Variants in PPP3CB observed in about 807,000 individuals in gnomAD.
PPP3CB encodes the protein protein phosphatase 3 catalytic subunit beta, also known as serine/threonine-protein phosphatase 2B catalytic subunit beta isoform.
Under a neutral mutation model 66.4 loss-of-function variants are expected in PPP3CB, and 8 were observed. That is an observed-to-expected ratio of 0.12 (90% CI 0.07 to 0.22). The LOEUF (loss-of-function observed/expected upper bound fraction) is 0.22, where lower values mean the gene tolerates loss of function less well. Ranked by LOEUF, PPP3CB falls within the 10% of genes least tolerant of loss-of-function variation. PPP3CB has a pLI of 1.00. For synonymous variants in PPP3CB, 208 were observed against 221.2 expected (o/e 0.94, Z 0.53); for missense variants, 319 against 642.5 (o/e 0.50, Z 5.44).
chr10:73,472,083 GCTCT>G lies in PPP3CB; in HGVS notation c.524-474_524-471del, dbSNP rs535373436. The stretch of plus-strand genomic sequence containing the variant: ...TCTGTCTTATGAAGACAAAATATTT[GCTCT>G]CTCTAAAATTATTCTCGATGATGTT... On this transcript the variant is annotated intron_variant, in intron 4 of 13. Transcript: ENST00000360663. Among the ~76,000 whole-genome samples the G allele has an allele frequency of 1.2e-3, 185 of 152,232 alleles. 1 individual carries two copies. The highest frequency in any genetic ancestry group is 7.2e-4 in the Non-Finnish European group (49 of 68,018).
At chr10:73,445,449 A>G (rs1352007170) in intron 11 of PPP3CB, among the ~76,000 whole-genome samples, 2 of 151,996 alleles carry the variant, frequency 1.3e-5, no homozygotes, top group African/African-American at 4.8e-5. Flanking sequence ...AAATATATAA[A>G]CTTCTTTTTC....
Position 73,484,093 on chromosome 10 carries a change from A to C in PPP3CB, c.86-4576T>G, listed in dbSNP as rs2056929459. Among the ~76,000 whole-genome samples the C allele has an allele frequency of 1.3e-5, 2 of 152,012 alleles. 1 individual carries two copies. The highest frequency in any genetic ancestry group is 4.2e-4 in the South Asian group (2 of 4,818). On this transcript the variant is annotated intron_variant, in intron 1 of 13. Coordinates refer to ENST00000360663, the MANE Select transcript of PPP3CB (RefSeq NM_021132.4). ...GTGGGGTGGAGGTTGTAGTGAGCTG[A>C]GATCGTGCCACTGAACTCTAGCCTG...
chr10:73,442,713 TG>T lies in PPP3CB; in HGVS notation c.1366+2011del, dbSNP rs1038045796. On this transcript the variant is annotated intron_variant, in intron 12 of 13. Coordinates refer to ENST00000360663, the MANE Select transcript of PPP3CB (RefSeq NM_021132.4). ...GAATGTAAAGCAAATCAAAGCAGGT[TG>T]TTTTTTTTTTTTAAAGAAAATCAAA... Among the ~76,000 whole-genome samples the T allele has an allele frequency of 9.9e-5, 15 of 151,752 alleles. No individual in the cohort carries two copies. In the East Asian group the frequency reaches 1.5e-3, roughly 16 times the overall value.
At chr10:73,495,055 C>T (rs143706299) in intron 1 of PPP3CB, among the ~76,000 whole-genome samples, 38 of 152,256 alleles carry the variant, frequency 2.5e-4, no homozygotes, top group Admixed American at 6.5e-4. Flanking sequence ...TTAACTTTTT[C>T]GTCTAGGATG....
chr10:73,440,658 CAG>C (rs1371416479), intron 12 of PPP3CB, among the ~76,000 whole-genome samples: 2 of 152,164 alleles, frequency 1.3e-5, no homozygotes, highest in Non-Finnish European at 2.9e-5. Context: ...TTTATACTGA[CAG>C]AGTTTATCAT....
intron 3 of PPP3CB, among the ~76,000 whole-genome samples, chr10:73,475,848 A>G (rs968062647): frequency 2.0e-5 from 3 of 152,216 alleles, no homozygotes; most frequent in Admixed American, 2.0e-4. Context: ...ATCATATGCA[A>G]AAAGAAAAAA....
intron 1 of PPP3CB, among the ~76,000 whole-genome samples, chr10:73,484,581 T>C (rs2056941419): frequency 6.6e-6 from 1 of 152,010 alleles, no homozygotes; most frequent in Non-Finnish European, 1.5e-5. Flanking sequence ...CTATTTCTAC[T>C]TTTCCAGAGT....
At chr10:73,491,766 G>A (rs923778680) in intron 1 of PPP3CB, among the ~76,000 whole-genome samples, 4 of 151,944 alleles carry the variant, frequency 2.6e-5, no homozygotes, top group African/African-American at 9.7e-5. Flanking sequence ...TCAGGAGATC[G>A]AGACCAGCCT....
At chr10:73,480,303 C>T (rs1017915940) in intron 1 of PPP3CB, among the ~76,000 whole-genome samples, 4 of 152,156 alleles carry the variant, frequency 2.6e-5, no homozygotes, top group Non-Finnish European at 4.4e-5. Flanking sequence ...CAGTGCATTC[C>T]TTATCATTGA....
intron 13 of PPP3CB, among the ~76,000 whole-genome samples, 193 bp from the exon 14 acceptor site, chr10:73,438,613 A>C (rs142001865): frequency 6.6e-6 from 1 of 152,348 alleles, no homozygotes; most frequent in African/African-American, 2.4e-5. Context: ...AAATATAAAC[A>C]TCATAGCTTT....
chr10:73,477,400 A>G (rs2056808389), intron 3 of PPP3CB, among the ~76,000 whole-genome samples: 1 of 152,196 alleles, frequency 6.6e-6, no homozygotes, highest in Non-Finnish European at 1.5e-5. Flanking sequence ...AACACAAGGA[A>G]TTAATTAATT....
At chr10:73,465,933 A>G (rs2056611370) in intron 9 of PPP3CB, among the ~76,000 whole-genome samples, 1 of 152,248 alleles carries the variant, frequency 6.6e-6, no homozygotes, top group African/African-American at 2.4e-5. Flanking sequence ...GATGTGAATA[A>G]TTTAGAGAAG....
At chr10:73,456,938 G>C (rs563325164) in intron 9 of PPP3CB, among the ~76,000 whole-genome samples, 1 of 152,002 alleles carries the variant, frequency 6.6e-6, no homozygotes, top group Non-Finnish European at 1.5e-5. Context: ...AATCTATAGA[G>C]ACAGAAAGAT....
chr10:73,467,035 A>G (rs2056627796), intron 9 of PPP3CB: 1 of 152,202 alleles, frequency 6.6e-6, no homozygotes, highest in Non-Finnish European at 1.5e-5. Flanking sequence ...TTAGAAAGGC[A>G]TCACTACTAA....
At chr10:73,444,548 T>G (rs1230697136) in intron 12 of PPP3CB, 177 bp downstream of exon 12, 1 of 1,534,576 alleles carries the variant, frequency 6.5e-7, no homozygotes, top group Non-Finnish European at 8.8e-7. Context: ...ATCAGTTTTC[T>G]GCCCTGATCA....
At chr10:73,467,166 G>A (rs2056630105) in intron 9 of PPP3CB, 1 of 152,270 alleles carries the variant, frequency 6.6e-6, no homozygotes, top group African/African-American at 2.4e-5. Context: ...TAAAATGAAG[G>A]CTACTAAATT....
chr10:73,488,287 G>A (rs1178673797), intron 1 of PPP3CB, among the ~76,000 whole-genome samples: 4 of 152,242 alleles, frequency 2.6e-5, no homozygotes, highest in East Asian at 3.9e-4. Flanking sequence ...GCTCACACCT[G>A]TAACTGCAGC....
intron 8 of PPP3CB, among the ~76,000 whole-genome samples, chr10:73,468,522 T>TA (rs1224527873): frequency 6.6e-6 from 1 of 152,196 alleles, no homozygotes; most frequent in Non-Finnish European, 1.5e-5. Flanking sequence ...ACAGGACTAA[T>TA]ATGTCTACCC....
intron 3 of PPP3CB, among the ~76,000 whole-genome samples, chr10:73,476,757 T>C (rs2056795761): frequency 6.6e-6 from 1 of 152,132 alleles, no homozygotes; most frequent in South Asian, 2.1e-4. Flanking sequence ...TTTGTTAAAA[T>C]GGGCCATTTT....
Sources: allele counts gnomAD v4.1 joint callset (sites outside exome capture counted in the v4.1 genomes callset), GRCh38; gene constraint gnomAD v4.1.1; transcripts MANE v1.5; gene names NCBI Gene and HGNC (gene_info 2026-07-23, HGNC 2026-07-21).